The following VSIG1 variants were observed in gnomAD, a reference collection of about 807,000 sequenced individuals.
VSIG1 encodes V-set and immunoglobulin domain containing 1.
In VSIG1, 11 loss-of-function variants were observed where a neutral mutation model predicts 20.1. The observed-to-expected ratio is 0.55, with a 90% CI of 0.34 to 0.91. The LOEUF is 0.91. Among genes scored for constraint, VSIG1 ranks in the 40% least tolerant of loss-of-function variants. The pLI is 0.02. For synonymous variants in VSIG1, 126 were observed against 116.7 expected, an observed-to-expected ratio of 1.08 and a Z score of -0.52; for missense variants, 283 against 298.8, an observed-to-expected ratio of 0.95 and a Z score of 0.39.
intron 2 of VSIG1, chrX:108,061,432 G>A: frequency 1.7e-6 from 2 of 1,164,880 alleles, no homozygotes; most frequent in South Asian, 3.8e-5. Context: ...ACACAGCACA[G>A]CTCGTGCCTC....
chrX:108,071,969 G>C (rs2761009), intron 3 of VSIG1, among the ~76,000 whole-genome samples: 5,383 of 107,252 alleles, frequency 0.05, 403 homozygotes, highest in African/African-American at 0.18. Context: ...AAGAATAATA[G>C]GTTATCTCAG....
intron 1 of VSIG1, among the ~76,000 whole-genome samples, chrX:108,054,451 G>T (rs962291534): frequency 9.0e-6 from 1 of 111,516 alleles, no homozygotes; most frequent in African/African-American, 3.2e-5. Context: ...TTTTATATTG[G>T]TTTTTCCATA....
At chrX:108,066,909 T>G in intron 2 of VSIG1, 27 bp from the exon 3 acceptor site, 2 of 1,194,585 alleles carry the variant, frequency 1.7e-6, no homozygotes, top group South Asian at 3.5e-5. Context: ...TCTCTCCAGT[T>G]CTCACTTCTG....
intron 1 of VSIG1, among the ~76,000 whole-genome samples, chrX:108,056,198 T>C (rs2030893926): frequency 8.9e-6 from 1 of 112,009 alleles, no homozygotes; most frequent in South Asian, 3.7e-4. Context: ...CACATTCACA[T>C]ATACTGGAGG....
chrX:108,047,831 C>CATATATATAT lies in VSIG1; in HGVS notation c.49+2653_49+2654insTATATATATA, dbSNP rs1315556430. On this transcript the variant is annotated intron_variant, in intron 1 of 6. Transcript: ENST00000217957. ...ATACATATATATATACATATATATA[C>CATATATATAT]ACATATATATATACATATATATATA... Among the ~76,000 whole-genome samples, 142 of 32,460 alleles carry CATATATATAT rather than the reference C, an allele frequency of 4.4e-3. 6 individuals are homozygous for CATATATATAT. Among genetic ancestry groups the CATATATATAT allele is most frequent in the Non-Finnish European group, 5.6e-3 (92 of 16,573 alleles). 28.2% of individuals were successfully genotyped at this position (32,460 alleles called of 115,157 possible).
At chrX:108,047,819 TAC>T (rs1269622301) in intron 1 of VSIG1, among the ~76,000 whole-genome samples, 6 of 58,295 alleles carry the variant, frequency 1.0e-4, no homozygotes, top group African/African-American at 4.7e-4. Flanking sequence ...CATATATATA[TAC>T]ATATATATAC....
chrX:108,037,412 C>G, the VSIG1 span, among the ~76,000 whole-genome samples: 1 of 111,665 alleles, frequency 9.0e-6, no homozygotes, highest in Non-Finnish European at 1.9e-5. Context: ...ATTGGACTGC[C>G]TTTTAGAAAC....
the VSIG1 span, among the ~76,000 whole-genome samples, chrX:108,029,457 C>CT: frequency 1.2e-4 from 13 of 111,946 alleles, no homozygotes; most frequent in Non-Finnish European, 1.9e-5. Context: ...CTGCTGAACT[C>CT]AAAGTGTTGT....
chrX:108,079,077 A>C lies in VSIG1; in HGVS notation c.*1696A>C, dbSNP rs2031402646. 1 of 112,340 alleles carries C rather than the reference A, an allele frequency of 8.9e-6. No individual in the cohort carries two copies. The highest frequency in any genetic ancestry group is 9.4e-5 in the Admixed American group (1 of 10,644). 9.3% of individuals were successfully genotyped at this position (112,340 alleles called of 1,213,427 possible). The stretch of plus-strand genomic sequence containing the variant: ...TTAAATCTTACTTTAAGGCTCAATA[A>C]ATAATACTCATAATGTCTCATTTTA... On this transcript the variant is annotated 3_prime_UTR_variant, in exon 7 of 7. Transcript: ENST00000217957.
the VSIG1 span, among the ~76,000 whole-genome samples, chrX:108,035,643 G>A: frequency 9.0e-6 from 1 of 111,348 alleles, no homozygotes; most frequent in Non-Finnish European, 1.9e-5. Flanking sequence ...CCCATGCAAT[G>A]ACCCACAGTC....
chrX:108,038,130 C>T, the VSIG1 span, among the ~76,000 whole-genome samples: 1 of 111,000 alleles, frequency 9.0e-6, no homozygotes, highest in African/African-American at 3.3e-5. Context: ...ATATGCAGAA[C>T]GTGCAGGTTT....
At chrX:108,020,845 C>T in the VSIG1 span, among the ~76,000 whole-genome samples, 2 of 111,542 alleles carry the variant, frequency 1.8e-5, no homozygotes, top group East Asian at 5.6e-4. Context: ...GAAGACTGGT[C>T]AGGGGTTCAT....
In VSIG1 at chrX:108,076,063, C is replaced by T. The variant is rs780902727; in HGVS notation, c.689-14C>T. ...TATATTCCACTTTATTAACCAGCTG[C>T]TTGTATCCTTCAGATCCAGAAGTTG... On this transcript the variant is annotated splice_polypyrimidine_tract_variant and intron_variant, in intron 5 of 6. Coordinates refer to ENST00000217957, the MANE Select transcript of VSIG1 (RefSeq NM_182607.5). 2 of 1,209,793 alleles carry T rather than the reference C, an allele frequency of 1.7e-6. No individual in the cohort carries two copies. Among genetic ancestry groups the T allele is most frequent in the Admixed American group, 2.2e-5 (1 of 45,684 alleles).
rs770757067 is a variant in VSIG1, at chrX:108,066,971, C to T, written c.249C>T (p.Ile83=). The change falls in exon 3 of 7, where the codon ATC becomes ATT. Residue 83 remains isoleucine, a synonymous_variant. Coordinates refer to ENST00000217957, the MANE Select transcript of VSIG1 (RefSeq NM_182607.5). The stretch of plus-strand genomic sequence containing the variant: ...CTCAAGGTGGACAAGCTGTAGCCAT[C>T]GGGCAATTTAAAGATCGAATTACAG... The part of the protein sequence containing the change: ...YFSQGGQAVA[I]GQFKDRITGS... 2.7e-5 allele frequency: 33 copies of T among 1,209,398 alleles called. No individual in the cohort carries two copies. The highest frequency in any genetic ancestry group is 2.5e-5 in the Non-Finnish European group (22 of 894,861).
the VSIG1 span, among the ~76,000 whole-genome samples, chrX:108,025,895 C>A: frequency 8.9e-6 from 1 of 112,029 alleles, no homozygotes; most frequent in Admixed American, 9.4e-5. Context: ...TATTCAAATC[C>A]TTGCGATAAA....
the VSIG1 span, among the ~76,000 whole-genome samples, chrX:108,021,228 T>C: frequency 8.9e-6 from 1 of 111,975 alleles, no homozygotes; most frequent in Non-Finnish European, 1.9e-5. Context: ...TAACATCTGC[T>C]CAGAGTTTTT....
intron 1 of VSIG1, among the ~76,000 whole-genome samples, chrX:108,050,643 C>G (rs1307099637): frequency 9.0e-6 from 1 of 111,639 alleles, no homozygotes; most frequent in Non-Finnish European, 1.9e-5. Context: ...GGGTAGGGTG[C>G]CCTTCGGTGG....
the VSIG1 span, among the ~76,000 whole-genome samples, chrX:108,032,419 A>C: frequency 8.9e-6 from 1 of 112,059 alleles, no homozygotes; most frequent in Non-Finnish European, 1.9e-5. Context: ...GGATGCAGGA[A>C]TGAACATACC....
chrX:108,074,438 C>G (rs746556154), intron 5 of VSIG1, among the ~76,000 whole-genome samples: 1 of 111,511 alleles, frequency 9.0e-6, no homozygotes, highest in South Asian at 3.8e-4. Context: ...CAATGATGTC[C>G]AGCACTGCCT....
Sources: gnomAD v4.1 joint callset for allele counts (sites outside exome capture counted in the v4.1 genomes callset) on GRCh38, gnomAD v4.1.1 for gene constraint, MANE v1.5 for transcripts, NCBI Gene and HGNC (gene_info 2026-07-23, HGNC 2026-07-21) for gene names.